HMCN1: variants seen among roughly 807,000 people sequenced by gnomAD.
HMCN1 encodes the protein hemicentin-1.
HMCN1 carries 321 observed loss-of-function variants against 625.9 expected under a neutral mutation model. The observed-to-expected ratio is 0.51, with a 90% CI of 0.47 to 0.56. The LOEUF (loss-of-function observed/expected upper bound fraction) is 0.56. Ranked by LOEUF, HMCN1 falls within the 20% of genes least tolerant of loss-of-function variation. HMCN1 has a pLI of 0.00. For missense variants in HMCN1, 6,588 were observed against 6,887.3 expected (o/e 0.96, Z 1.54); for synonymous variants, 2,425 against 2,417.6 (o/e 1.00, Z -0.09).
At chr1:186,132,039 T>TA (rs1001928522) in intron 85 of HMCN1, among the ~76,000 whole-genome samples, 3 of 152,246 alleles carry the variant, frequency 2.0e-5, no homozygotes, top group African/African-American at 7.2e-5. Context: ...TAAAATAATG[T>TA]AATTTTTGCT....
chr1:185,820,467 G>A (rs1660119295), intron 1 of HMCN1, among the ~76,000 whole-genome samples: 1 of 152,056 alleles, frequency 6.6e-6, no homozygotes, highest in African/African-American at 2.4e-5. Flanking sequence ...TTTTTAGTTG[G>A]TAGAATAGTT....
chr1:186,086,380 C>G lies in HMCN1; in HGVS notation c.9019C>G (p.Leu3007Val). ...SWLKNEQPIK[L>V]NTNTLIVPGG... ...GCTCAAGAATGAACAGCCCATCAAA[C>G]TGAACACAAATACTCTCATTGTGCC... The change falls in exon 58 of 107, where the codon CTG (leucine) becomes GTG (valine). Residue 3007 changes from leucine (L) to valine (V), a missense_variant. Transcript: ENST00000271588. The G allele has an allele frequency of 6.2e-7, 1 of 1,613,266 alleles. No homozygotes were observed.
intron 105 of HMCN1, among the ~76,000 whole-genome samples, chr1:186,183,497 C>T (rs913916804): frequency 2.0e-5 from 3 of 152,172 alleles, no homozygotes; most frequent in African/African-American, 7.2e-5. Context: ...TAAGAACCTA[C>T]CCCATGCAGA....
At chr1:185,978,777 T>C (rs1220069110) in intron 16 of HMCN1, among the ~76,000 whole-genome samples, 4 of 151,968 alleles carry the variant, frequency 2.6e-5, no homozygotes, top group Non-Finnish European at 5.9e-5. Flanking sequence ...ACCTCACAGG[T>C]TCAAGCAATT....
chr1:185,790,147 G>A (rs887128819), intron 1 of HMCN1, among the ~76,000 whole-genome samples: 2 of 152,170 alleles, frequency 1.3e-5, no homozygotes, highest in African/African-American at 4.8e-5. Flanking sequence ...ACAAAAACTT[G>A]CTGCTACAAC....
At chr1:185,852,304 C>G (rs1662210218) in intron 2 of HMCN1, among the ~76,000 whole-genome samples, 1 of 151,704 alleles carries the variant, frequency 6.6e-6, no homozygotes, top group African/African-American at 2.4e-5. Flanking sequence ...TTGTATAAAA[C>G]TGTAACTTTA....
intron 1 of HMCN1, among the ~76,000 whole-genome samples, chr1:185,796,341 CTGGTA>C (rs1269413225): frequency 6.6e-6 from 1 of 152,136 alleles, no homozygotes; most frequent in African/African-American, 2.4e-5. Flanking sequence ...AGGCCACGGA[CTGGTA>C]TGGGTCCATG....
chr1:186,073,805 TAAAG>T (rs961082933), intron 52 of HMCN1, among the ~76,000 whole-genome samples: 11 of 151,528 alleles, frequency 7.3e-5, no homozygotes, highest in African/African-American at 2.4e-4. Context: ...AAAAAAAACT[TAAAG>T]AAAATTAGTA....
At chr1:186,162,936 A>C (rs1226735329) in intron 97 of HMCN1, among the ~76,000 whole-genome samples, 1 of 152,154 alleles carries the variant, frequency 6.6e-6, no homozygotes, top group Non-Finnish European at 1.5e-5. Context: ...GCTCTCTTCA[A>C]AGCTGTCAGA....
chr1:185,825,702 C>T (rs1233553710), intron 1 of HMCN1, among the ~76,000 whole-genome samples: 2 of 152,206 alleles, frequency 1.3e-5, no homozygotes, highest in African/African-American at 4.8e-5. Flanking sequence ...CATTGGCAGG[C>T]AAATTTATGG....
At chr1:185,800,954 C>T (rs996479379) in intron 1 of HMCN1, among the ~76,000 whole-genome samples, 1 of 152,106 alleles carries the variant, frequency 6.6e-6, no homozygotes, top group African/African-American at 2.4e-5. Context: ...TGGGTCACTA[C>T]TCTACTCTGA....
chr1:185,806,990 T>C (rs1230993184), intron 1 of HMCN1, among the ~76,000 whole-genome samples: 2 of 152,166 alleles, frequency 1.3e-5, no homozygotes, highest in Non-Finnish European at 2.9e-5. Flanking sequence ...TCTATAAAAT[T>C]ACACCTTTGA....
At chr1:186,121,752 C>T (rs554261404) in intron 80 of HMCN1, among the ~76,000 whole-genome samples, 1 of 152,156 alleles carries the variant, frequency 6.6e-6, no homozygotes, top group Non-Finnish European at 1.5e-5. Flanking sequence ...AAATAATCAG[C>T]GTTAAACCCA....
At chr1:186,102,976 C>T (rs1660449990) in intron 68 of HMCN1, among the ~76,000 whole-genome samples, 2 of 152,150 alleles carry the variant, frequency 1.3e-5, no homozygotes, top group Admixed American at 6.6e-5. Context: ...CAGAAATTAT[C>T]TCCAAATGTA....
chr1:186,080,240 A>G (rs1243696025), intron 55 of HMCN1, among the ~76,000 whole-genome samples: 1 of 152,158 alleles, frequency 6.6e-6, no homozygotes, highest in Non-Finnish European at 1.5e-5. Flanking sequence ...TATTTTCTTT[A>G]CAAACTTTCA....
chr1:185,772,126 A>C (rs1052665544), intron 1 of HMCN1, among the ~76,000 whole-genome samples: 3 of 152,216 alleles, frequency 2.0e-5, no homozygotes, highest in East Asian at 3.8e-4. Flanking sequence ...TGGCTAAAGA[A>C]TACAATAAGC....
chr1:186,116,822 T>C (rs1262951659), intron 75 of HMCN1, among the ~76,000 whole-genome samples, 172 bp from the exon 76 acceptor site: 1 of 152,164 alleles, frequency 6.6e-6, no homozygotes, highest in Non-Finnish European at 1.5e-5. Context: ...GCCACTGCCA[T>C]ACAAACATAA....
At position 185,922,486 on chromosome 1, in the gene HMCN1, C is replaced by G; in HGVS notation, c.1008C>G (p.Ser336Arg). ...KPTLDFKKTV[S>R]RPVQGIPTYV... ...CCCTGGACTTCAAAAAAACAGTCAG[C>G]AGACCAGTGCAAGGTTTGTATGTGC... The change falls in exon 7 of 107, where the codon AGC (serine) becomes AGG (arginine). Residue 336 changes from serine (S) to arginine (R), a missense_variant. Physicochemically the swap from Ser to Arg is moderately radical, Grantham distance 110. Transcript: ENST00000271588. The G allele has an allele frequency of 6.2e-7, 1 of 1,612,256 alleles. No individual in the cohort carries two copies. Among genetic ancestry groups the G allele is most frequent in the Non-Finnish European group, 8.5e-7 (1 of 1,178,856 alleles).
chr1:186,019,472 G>A (rs1194671683), intron 34 of HMCN1, 69 bp from the exon 35 acceptor site: 2 of 1,087,284 alleles, frequency 1.8e-6, no homozygotes, highest in Non-Finnish European at 2.8e-6. Flanking sequence ...TCAGGTTCTT[G>A]CATACATATT....
Sources: allele counts gnomAD v4.1 joint callset (sites outside exome capture counted in the v4.1 genomes callset), GRCh38; gene constraint gnomAD v4.1.1; transcripts MANE v1.5; gene names NCBI Gene and HGNC (gene_info 2026-07-23, HGNC 2026-07-21).